ADAMTSL1: variants seen among roughly 807,000 people sequenced by gnomAD.
ADAMTSL1 encodes ADAMTS-like protein 1.
In ADAMTSL1, 126 loss-of-function variants were observed where a neutral mutation model predicts 201.8. The observed-to-expected ratio is 0.62, with a 90% confidence interval of 0.54 to 0.72. ADAMTSL1 has a LOEUF of 0.72. Among genes scored for constraint, ADAMTSL1 ranks in the 30% least tolerant of loss-of-function variants. The pLI is 0.00. For synonymous variants in ADAMTSL1, 1,121 were observed against 903.4 expected (o/e 1.24, Z -4.32); for missense variants, 2,679 against 2,277.8 (o/e 1.18, Z -3.59).
At chr9:18,334,864 AG>A (rs1470723676) in intron 2 of ADAMTSL1, among the ~76,000 whole-genome samples, 8 of 152,218 alleles carry the variant, frequency 5.3e-5, no homozygotes, top group Admixed American at 5.2e-4. Flanking sequence ...TATCCAAGTC[AG>A]GGGCTAAAAA....
chr9:18,724,485 T>C (rs147204690), intron 15 of ADAMTSL1, among the ~76,000 whole-genome samples: 2 of 152,356 alleles, frequency 1.3e-5, no homozygotes, highest in East Asian at 3.9e-4. Context: ...AGATGTCTTC[T>C]CAAGCTGGAG....
At chr9:18,189,193 C>T (rs1828866995) in intron 2 of ADAMTSL1, among the ~76,000 whole-genome samples, 1 of 152,232 alleles carries the variant, frequency 6.6e-6, no homozygotes, top group African/African-American at 2.4e-5. Flanking sequence ...CTGCTTCCAA[C>T]TGAGGTGGGA....
chr9:18,129,946 C>T (rs1241757886), intron 1 of ADAMTSL1, among the ~76,000 whole-genome samples: 1 of 152,152 alleles, frequency 6.6e-6, no homozygotes, highest in Non-Finnish European at 1.5e-5. Context: ...CTTGTCTGCA[C>T]TTGTTACTCT....
At chr9:18,885,608 T>G (rs1437300393) in intron 23 of ADAMTSL1, among the ~76,000 whole-genome samples, 1 of 152,154 alleles carries the variant, frequency 6.6e-6, no homozygotes. Flanking sequence ...AGCGGATACA[T>G]GAAGGAGTGA....
At chr9:18,681,708 G>GGGGGC in intron 11 of ADAMTSL1, 104 bp from the exon 12 acceptor site, 1 of 745,514 alleles carries the variant, frequency 1.3e-6, no homozygotes, top group Non-Finnish European at 1.9e-6. Flanking sequence ...GGGGGGGGGG[G>GGGGGC]GCGGGGAAAA....
At chr9:18,594,500 G>C (rs2132499505) in intron 4 of ADAMTSL1, among the ~76,000 whole-genome samples, 1 of 152,048 alleles carries the variant, frequency 6.6e-6, no homozygotes, top group African/African-American at 2.4e-5. Flanking sequence ...CATAAACTTT[G>C]TTCATTCCTT....
intron 2 of ADAMTSL1, among the ~76,000 whole-genome samples, chr9:18,267,787 C>CA (rs1587431293): frequency 8.0e-6 from 1 of 124,476 alleles, no homozygotes; most frequent in Non-Finnish European, 1.6e-5. Flanking sequence ...AAAACAAAAA[C>CA]AAAAAAACCT....
intron 2 of ADAMTSL1, among the ~76,000 whole-genome samples, chr9:18,435,852 A>G (rs1819707984): frequency 6.6e-6 from 1 of 152,160 alleles, no homozygotes; most frequent in African/African-American, 2.4e-5. Flanking sequence ...TATCACGAGA[A>G]CAGCACAGGA....
At chr9:18,479,986 GAAC>G in intron 1 of ADAMTSL1, among the ~76,000 whole-genome samples, 1 of 152,144 alleles carries the variant, frequency 6.6e-6, no homozygotes, top group South Asian at 2.1e-4. Flanking sequence ...GCCACACACT[GAAC>G]AACAATTAAC....
At chr9:18,152,922 T>C (rs751097234) in intron 1 of ADAMTSL1, among the ~76,000 whole-genome samples, 7 of 152,070 alleles carry the variant, frequency 4.6e-5, no homozygotes, top group Non-Finnish European at 1.0e-4. Context: ...TGTCAAATGC[T>C]TTCCAGATAA....
In ADAMTSL1 at chr9:18,299,011, CAAA is replaced by C. The variant is rs369246364; in HGVS notation, c.207+135040_207+135042del. 8.7e-5 allele frequency among the ~76,000 whole-genome samples: 12 copies of C among 138,324 alleles called. 1 individual carries two copies. The highest frequency in any genetic ancestry group is 3.2e-4 in the African/African-American group (12 of 37,340). 90.7% of individuals were successfully genotyped at this position (138,324 alleles called of 152,430 possible). A position where few individuals can be genotyped will look rare whatever the true frequency, so the allele number is the denominator to read the frequency against. ...TGGGCGACAGAGCCAGACTCCGTCTCAAAAAAAAAAAATAATAATAATAATAAT... is the reference window on the plus strand; with the variant it reads ...TGGGCGACAGAGCCAGACTCCGTCTCAAAAAAAAATAATAATAATAATAAT... On this transcript the variant is annotated intron_variant, in intron 2 of 29. Coordinates refer to the ADAMTSL1 transcript ENST00000680146.
At chr9:18,172,213 A>G (rs1230934329) in intron 2 of ADAMTSL1, among the ~76,000 whole-genome samples, 2 of 152,030 alleles carry the variant, frequency 1.3e-5, no homozygotes, top group African/African-American at 4.8e-5. Flanking sequence ...CAACCATGGC[A>G]CGTGTATACC....
At chr9:18,154,125 G>A (rs965557406) in intron 1 of ADAMTSL1, among the ~76,000 whole-genome samples, 12 of 152,052 alleles carry the variant, frequency 7.9e-5, no homozygotes, top group African/African-American at 2.9e-4. Context: ...AGAAAGAAAA[G>A]CACCCCTTTT....
At chr9:18,318,183 A>G (rs1834481306) in intron 2 of ADAMTSL1, among the ~76,000 whole-genome samples, 1 of 152,220 alleles carries the variant, frequency 6.6e-6, no homozygotes, top group Admixed American at 6.5e-5. Context: ...GCTAATTTGC[A>G]TTGGTGAGTT....
chr9:18,258,821 C>A (rs979329432), intron 2 of ADAMTSL1, among the ~76,000 whole-genome samples: 2 of 152,182 alleles, frequency 1.3e-5, no homozygotes, highest in African/African-American at 4.8e-5. Flanking sequence ...TCTTCACTTA[C>A]TGTCTACACA....
intron 14 of ADAMTSL1, chr9:18,718,243 A>T (rs768068297): frequency 1.3e-6 from 1 of 760,912 alleles, no homozygotes; most frequent in African/African-American, 1.7e-5. Flanking sequence ...TGTTCTCTCA[A>T]GTCTTGCAAA....
chr9:18,853,887 C>CTGTGTGTGTG (rs529993480), intron 23 of ADAMTSL1, among the ~76,000 whole-genome samples: 3,082 of 80,600 alleles, frequency 0.038, 39 homozygotes, highest in South Asian at 0.13. Flanking sequence ...TGTATTCACT[C>CTGTGTGTGTG]TCTGTGTGTG....
intron 2 of ADAMTSL1, among the ~76,000 whole-genome samples, chr9:18,220,943 T>A (rs1312661417): frequency 2.6e-5 from 4 of 151,922 alleles, no homozygotes; most frequent in Admixed American, 1.3e-4. Flanking sequence ...CCCAGCTAAT[T>A]TTCATATTTT....
intron 3 of ADAMTSL1, among the ~76,000 whole-genome samples, chr9:18,539,161 C>T (rs574476711): frequency 2.6e-5 from 4 of 152,066 alleles, no homozygotes; most frequent in Admixed American, 2.0e-4. Context: ...TTATTTTTTG[C>T]TTATTCGCTT....
Sources: allele counts gnomAD v4.1 joint callset (sites outside exome capture counted in the v4.1 genomes callset), GRCh38; gene constraint gnomAD v4.1.1; transcripts MANE v1.5; gene names NCBI Gene and HGNC (gene_info 2026-07-23, HGNC 2026-07-21).